STAU2: variants seen among roughly 807,000 people sequenced by gnomAD.
STAU2 encodes staufen double-stranded RNA binding protein 2.
STAU2 carries 20 observed loss-of-function variants against 65.9 expected under a neutral mutation model. That is an observed-to-expected ratio of 0.30 (90% CI 0.21 to 0.44). The LOEUF (loss-of-function observed/expected upper bound fraction) is 0.44. Among genes scored for constraint, STAU2 ranks in the 20% least tolerant of loss-of-function variants. The pLI is 1.00. For missense variants in STAU2, 558 were observed against 683.9 expected, an observed-to-expected ratio of 0.82 and a Z score of 2.05; for synonymous variants, 232 against 233.9, an observed-to-expected ratio of 0.99 and a Z score of 0.07.
At chr8:73,611,115 A>T (rs563021529) in intron 9 of STAU2, among the ~76,000 whole-genome samples, 1 of 152,306 alleles carries the variant, frequency 6.6e-6, no homozygotes, top group South Asian at 2.1e-4. Flanking sequence ...CAAACTATAG[A>T]CCCTCAATGT....
chr8:73,592,656 C>A (rs1312127625), intron 11 of STAU2, among the ~76,000 whole-genome samples: 1 of 152,078 alleles, frequency 6.6e-6, no homozygotes, highest in African/African-American at 2.4e-5. Flanking sequence ...GTCAGGAGAG[C>A]AAGACCAGCC....
intron 9 of STAU2, among the ~76,000 whole-genome samples, chr8:73,612,652 T>G (rs1270626678): frequency 6.6e-6 from 1 of 152,198 alleles, no homozygotes; most frequent in Admixed American, 6.5e-5. Context: ...AACAAATATT[T>G]AAGTAGTTAT....
At chr8:73,681,463 T>C (rs568504400) in intron 5 of STAU2, among the ~76,000 whole-genome samples, 34 of 152,020 alleles carry the variant, frequency 2.2e-4, no homozygotes, top group Non-Finnish European at 4.1e-4. Context: ...AGTAATAAAA[T>C]GAATTATTAA....
At chr8:73,649,868 T>TA (rs1273510527) in intron 6 of STAU2, among the ~76,000 whole-genome samples, 14 of 46,554 alleles carry the variant, frequency 3.0e-4, no homozygotes, top group East Asian at 2.4e-3. Flanking sequence ...TCTATATAAT[T>TA]TTATATATAT....
At chr8:73,661,165 T>C (rs1228814581) in intron 6 of STAU2, among the ~76,000 whole-genome samples, 4 of 152,148 alleles carry the variant, frequency 2.6e-5, no homozygotes, top group African/African-American at 9.7e-5. Context: ...CACATAACTA[T>C]GATTCCAACT....
chr8:73,628,627 A>G (rs1326675055), intron 6 of STAU2, among the ~76,000 whole-genome samples: 2 of 152,202 alleles, frequency 1.3e-5, no homozygotes, highest in African/African-American at 4.8e-5. Flanking sequence ...CGAGCTCTAG[A>G]AAATACTTAT....
intron 6 of STAU2, among the ~76,000 whole-genome samples, chr8:73,625,708 A>G (rs73686865): frequency 0.02 from 3,056 of 152,260 alleles, 78 homozygotes; most frequent in African/African-American, 0.069. Context: ...GTGTTACGTA[A>G]ATTTTATTTC....
At chr8:73,527,728 T>C in intron 13 of STAU2, 2 of 1,536,736 alleles carry the variant, frequency 1.3e-6, no homozygotes, top group East Asian at 4.9e-5. Flanking sequence ...TCCAATAGCA[T>C]GGAAAGTCAT....
intron 13 of STAU2, among the ~76,000 whole-genome samples, chr8:73,525,416 C>T (rs1201078168): frequency 1.3e-5 from 2 of 152,120 alleles, no homozygotes; most frequent in African/African-American, 4.8e-5. Flanking sequence ...AGTAAAATGC[C>T]TTGAGGAAGA....
chr8:73,560,650 C>G (rs965572340), intron 12 of STAU2, among the ~76,000 whole-genome samples: 1 of 152,150 alleles, frequency 6.6e-6, no homozygotes, highest in African/African-American at 2.4e-5. Context: ...TGCACTTAGT[C>G]CAGTCTTGCC....
intron 4 of STAU2, among the ~76,000 whole-genome samples, chr8:73,691,007 TATAC>T (rs1563510016): frequency 6.6e-6 from 1 of 152,162 alleles, no homozygotes; most frequent in Non-Finnish European, 1.5e-5. Context: ...ATATATATAA[TATAC>T]ATAATCTTGC....
intron 11 of STAU2, chr8:73,590,956 C>T (rs1254346431): frequency 6.6e-6 from 1 of 152,114 alleles, no homozygotes; most frequent in Non-Finnish European, 1.5e-5. Flanking sequence ...GAAATAAAGA[C>T]TTTTTTGGCA....
intron 13 of STAU2, among the ~76,000 whole-genome samples, chr8:73,525,141 T>C (rs950143274): frequency 6.6e-6 from 1 of 152,216 alleles, no homozygotes. Context: ...ATTCCAGTCA[T>C]TTATTCATCT....
intron 13 of STAU2, among the ~76,000 whole-genome samples, chr8:73,506,154 G>A (rs1215155674): frequency 6.6e-6 from 1 of 152,116 alleles, no homozygotes; most frequent in Non-Finnish European, 1.5e-5. Flanking sequence ...ATACACGAAT[G>A]GGCTAACACG....
At chr8:73,541,826 A>T (rs1402742630) in intron 13 of STAU2, among the ~76,000 whole-genome samples, 1 of 152,146 alleles carries the variant, frequency 6.6e-6, no homozygotes, top group Non-Finnish European at 1.5e-5. Context: ...CTCAAGAGCA[A>T]ACTGGAGAGG....
chr8:73,498,302 C>G (rs1439287666), intron 13 of STAU2, among the ~76,000 whole-genome samples: 1 of 151,834 alleles, frequency 6.6e-6, no homozygotes, highest in African/African-American at 2.4e-5. Flanking sequence ...GGCCCATGCC[C>G]AGCACACTGC....
At chr8:73,509,021 T>C (rs1301181582) in intron 13 of STAU2, among the ~76,000 whole-genome samples, 1 of 152,194 alleles carries the variant, frequency 6.6e-6, no homozygotes, top group Non-Finnish European at 1.5e-5. Context: ...ATACTTCGAG[T>C]GAAATTGCTG....
intron 3 of STAU2, among the ~76,000 whole-genome samples, chr8:73,721,909 T>C (rs145371432): frequency 4.5e-4 from 69 of 152,358 alleles, no homozygotes; most frequent in East Asian, 2.1e-3. Flanking sequence ...ACTATTCATA[T>C]GGTTAGGTTT....
chr8:73,709,685 G>GT (rs1450642360), intron 3 of STAU2, among the ~76,000 whole-genome samples: 2 of 150,882 alleles, frequency 1.3e-5, no homozygotes, highest in African/African-American at 4.9e-5. Flanking sequence ...TCCCCTTTCT[G>GT]TTTTTTTAAA....
Sources: gnomAD v4.1 joint callset for allele counts (sites outside exome capture counted in the v4.1 genomes callset) on GRCh38, gnomAD v4.1.1 for gene constraint, MANE v1.5 for transcripts, NCBI Gene and HGNC (gene_info 2026-07-23, HGNC 2026-07-21) for gene names.